The following NEDD9 variants were observed in gnomAD, a reference collection of about 807,000 sequenced individuals.
NEDD9 encodes enhancer of filamentation 1.
A neutral mutation model predicts 76.6 loss-of-function variants in NEDD9; 26 were observed. The observed-to-expected ratio is 0.34, with a 90% CI of 0.25 to 0.47. The LOEUF is 0.47. Among genes scored for constraint, NEDD9 ranks in the 20% least tolerant of loss-of-function variants. NEDD9 has a pLI of 1.00. For missense variants in NEDD9, 937 were observed against 1,058.5 expected (o/e 0.89, Z 1.59); for synonymous variants, 392 against 414.2 (o/e 0.95, Z 0.65).
intron 3 of NEDD9, among the ~76,000 whole-genome samples, chr6:11,285,073 C>A (rs1388959202): frequency 1.3e-5 from 2 of 152,088 alleles, no homozygotes; most frequent in Non-Finnish European, 2.9e-5. Context: ...CGTTAAACTG[C>A]ATAAATGTTA....
In NEDD9 at chr6:11,284,483, G is replaced by C. The variant is rs895893483; in HGVS notation, c.12+21509C>G. ...AGGGAGGCTGAGGCAGGAGAATGGC[G>C]TGAACCCGGGAGGTGGATGTTGCAA... On this transcript the variant is annotated intron_variant, in intron 3 of 3. Transcript: ENST00000397378. Among the ~76,000 whole-genome samples, 6 of 151,330 alleles carry C rather than the reference G, an allele frequency of 4.0e-5. 1 individual carries two copies. In the South Asian group the frequency reaches 1.3e-3, roughly 32 times the overall value.
In NEDD9 at chr6:11,185,233, G is replaced by A. The variant is rs1234081041; in HGVS notation, c.2434C>T (p.His812Tyr). 1 of 1,614,106 alleles carries A rather than the reference G, an allele frequency of 6.2e-7. No individual in the cohort carries two copies. The change falls in exon 7 of 7, where the codon CAC becomes TAC. Residue 812 changes from histidine (H) to tyrosine (Y), a missense_variant. Physicochemically the swap from His to Tyr is moderately conservative, Grantham distance 83 (BLOSUM62 2). Transcript: ENST00000379446. ...PSTTALQEMV[H>Y]QVTDLSRNAQ... ...TTTCTAGAAAGGTCTGTCACTTGGT[G>A]CACCATTTCCTGCAGGGCCGTGGTG...
At chr6:11,350,007 G>A (rs936204393) in intron 1 of NEDD9, among the ~76,000 whole-genome samples, 1 of 152,150 alleles carries the variant, frequency 6.6e-6, no homozygotes, top group Non-Finnish European at 1.5e-5. Flanking sequence ...CAAATTGAAG[G>A]TCACATTATC....
intron 1 of NEDD9, among the ~76,000 whole-genome samples, chr6:11,232,098 C>T (rs1759484577): frequency 6.6e-6 from 1 of 152,150 alleles, no homozygotes; most frequent in South Asian, 2.1e-4. Flanking sequence ...CTGAGACAGA[C>T]TATGCAGTCC....
chr6:11,332,888 C>A (rs1762074005), intron 2 of NEDD9, among the ~76,000 whole-genome samples: 1 of 152,174 alleles, frequency 6.6e-6, no homozygotes, highest in Non-Finnish European at 1.5e-5. Context: ...GTTTTCTCTT[C>A]AGCAAAATAA....
In NEDD9 at chr6:11,306,052, G is replaced by A. The variant is rs566449187; in HGVS notation, c.-49C>T. 5.4e-5 allele frequency: 87 copies of A among 1,612,378 alleles called. No homozygotes were observed. In the South Asian group the frequency reaches 7.6e-4, roughly 14 times the overall value. ...TCTGGATGTTGGAAAGGACAATTCC[G>A]GCGTTTTACTCTTCTGACCAGTTTC... On this transcript the variant is annotated 5_prime_UTR_variant, in exon 3 of 4. Coordinates refer to the NEDD9 transcript ENST00000397378.
chr6:11,307,254 G>C (rs890512475), intron 2 of NEDD9, among the ~76,000 whole-genome samples: 1 of 152,140 alleles, frequency 6.6e-6, no homozygotes, highest in Non-Finnish European at 1.5e-5. Flanking sequence ...ATTGGGAGTT[G>C]GTCTCCTTTC....
At chr6:11,256,835 T>C (rs1760013627) in intron 3 of NEDD9, among the ~76,000 whole-genome samples, 1 of 152,232 alleles carries the variant, frequency 6.6e-6, no homozygotes, top group South Asian at 2.1e-4. Context: ...TATCAGTAGA[T>C]GTGAATTGAT....
chr6:11,375,572 C>A (rs927113131), intron 1 of NEDD9, among the ~76,000 whole-genome samples: 1 of 152,118 alleles, frequency 6.6e-6, no homozygotes, highest in Non-Finnish European at 1.5e-5. Flanking sequence ...GGGGGCAGAT[C>A]CCTCATGAGT....
At chr6:11,378,239 T>A (rs1202541572) in intron 1 of NEDD9, among the ~76,000 whole-genome samples, 1 of 152,062 alleles carries the variant, frequency 6.6e-6, no homozygotes, top group Non-Finnish European at 1.5e-5. Context: ...TGAGATTCTG[T>A]CTCAAAAAAA....
At chr6:11,266,437 T>C (rs1760203808) in intron 3 of NEDD9, among the ~76,000 whole-genome samples, 1 of 152,098 alleles carries the variant, frequency 6.6e-6, no homozygotes, top group African/African-American at 2.4e-5. Flanking sequence ...CAGGTGTTAA[T>C]AGTGCTGATG....
At chr6:11,367,549 T>G (rs1762790058) in intron 1 of NEDD9, among the ~76,000 whole-genome samples, 1 of 152,216 alleles carries the variant, frequency 6.6e-6, no homozygotes, top group Non-Finnish European at 1.5e-5. Context: ...CAGAGTCAGA[T>G]CTATCTGCCA....
At position 11,379,906 on chromosome 6, in the gene NEDD9, T is replaced by G. The variant is rs138734977; in HGVS notation, c.-214+2233A>C. Among the ~76,000 whole-genome samples, 554 of 152,344 alleles carry G rather than the reference T, an allele frequency of 3.6e-3. 4 individuals carry two copies. Among genetic ancestry groups the G allele is most frequent in the East Asian group, 0.034 (177 of 5,184 alleles). ...CTTGTGCTATATAAAATTCTCCTAT[T>G]TGTGTTCCACACTTCAGAAATTTTC... On this transcript the variant is annotated intron_variant, in intron 1 of 3. Coordinates refer to the NEDD9 transcript ENST00000397378.
intron 2 of NEDD9, among the ~76,000 whole-genome samples, chr6:11,324,119 A>C (rs745741807): frequency 9.2e-5 from 14 of 152,182 alleles, no homozygotes; most frequent in Non-Finnish European, 8.8e-5. Flanking sequence ...CCACGTGGCC[A>C]CTGGTTTCCG....
chr6:11,304,921 G>A (rs928643843), intron 3 of NEDD9: 60 of 421,092 alleles, frequency 1.4e-4, no homozygotes, highest in Middle Eastern at 8.6e-4. Flanking sequence ...AAACCTGCAC[G>A]TTTTGCACAT....
upstream of NEDD9, among the ~76,000 whole-genome samples, chr6:11,237,338 T>C (rs1406393618): frequency 6.6e-6 from 1 of 152,186 alleles, no homozygotes; most frequent in Non-Finnish European, 1.5e-5. This position sits in a 1 kb window ranked among gnomAD's most constrained non-coding sequence, Gnocchi z 4.9. Context: ...GCAGCATCAA[T>C]GAGTAAGAAG....
At chr6:11,276,821 T>C (rs1760426428) in intron 3 of NEDD9, among the ~76,000 whole-genome samples, 1 of 152,074 alleles carries the variant, frequency 6.6e-6, no homozygotes, top group South Asian at 2.1e-4. Flanking sequence ...TATTATAGCA[T>C]AATGCATATG....
intron 1 of NEDD9, among the ~76,000 whole-genome samples, chr6:11,375,815 C>T (rs1364240648): frequency 6.6e-6 from 1 of 151,746 alleles, no homozygotes; most frequent in African/African-American, 2.4e-5. Flanking sequence ...GTCAATCAAC[C>T]CTTTTTTCTT....
intron 3 of NEDD9, among the ~76,000 whole-genome samples, chr6:11,299,043 C>G (rs577443249): frequency 2.6e-5 from 4 of 152,182 alleles, no homozygotes; most frequent in Admixed American, 6.5e-5. Flanking sequence ...GGCATTGCCT[C>G]ATCAGGGAAA....
Sources: allele counts gnomAD v4.1 joint callset (sites outside exome capture counted in the v4.1 genomes callset), GRCh38; gene constraint gnomAD v4.1.1; non-coding constraint Gnocchi (gnomAD v3.1); transcripts MANE v1.5; gene names NCBI Gene and HGNC (gene_info 2026-07-23, HGNC 2026-07-21).